VMP1: variants seen among roughly 807,000 people sequenced by gnomAD.
The protein encoded by VMP1 is ectopic P-granules autophagy protein 3 homolog.
Under a neutral mutation model 56.0 loss-of-function variants are expected in VMP1, and 11 were observed. The ratio of observed to expected loss-of-function variants is 0.20; its 90% confidence interval spans 0.12 to 0.32. The LOEUF (loss-of-function observed/expected upper bound fraction) is 0.32. Ranked by LOEUF, VMP1 falls within the 10% of genes least tolerant of loss-of-function variation. The pLI is 1.00. For synonymous variants in VMP1, 149 were observed against 165.0 expected, an observed-to-expected ratio of 0.90 and a Z score of 0.74; for missense variants, 296 against 490.3, an observed-to-expected ratio of 0.60 and a Z score of 3.74.
intron 10 of VMP1, among the ~76,000 whole-genome samples, chr17:59,824,987 C>G (rs558910475): frequency 6.6e-6 from 1 of 151,644 alleles, no homozygotes; most frequent in South Asian, 2.1e-4. Flanking sequence ...TTGAGTCCAG[C>G]CTGGTCTCGA....
chr17:59,736,472 G>A (rs559572962), intron 3 of VMP1, among the ~76,000 whole-genome samples: 80 of 151,028 alleles, frequency 5.3e-4, no homozygotes, highest in African/African-American at 1.9e-3. Context: ...AAAATCACTT[G>A]AACCCAGGAG....
intron 8 of VMP1, among the ~76,000 whole-genome samples, chr17:59,809,826 GC>G (rs1346214208): frequency 1.3e-5 from 2 of 151,926 alleles, no homozygotes; most frequent in African/African-American, 4.8e-5. Context: ...TATTAAATGA[GC>G]TGTTTTCTGT....
intron 10 of VMP1, among the ~76,000 whole-genome samples, chr17:59,825,983 A>G (rs2038634949): frequency 6.6e-6 from 1 of 152,226 alleles, no homozygotes; most frequent in African/African-American, 2.4e-5. Flanking sequence ...TGGTCCATGT[A>G]TTTGATTCTC....
chr17:59,827,355 C>T (rs752217323), intron 10 of VMP1, among the ~76,000 whole-genome samples: 3 of 151,732 alleles, frequency 2.0e-5, no homozygotes, highest in East Asian at 2.0e-4. Context: ...CTTGCTCTGT[C>T]GCCCAGCCTG....
chr17:59,722,716 T>C (rs1412691972), intron 1 of VMP1, among the ~76,000 whole-genome samples: 1 of 152,124 alleles, frequency 6.6e-6, no homozygotes. Context: ...TGGGGGTACA[T>C]GCTTGTAATC....
chr17:59,756,729 T>C (rs2035855231), intron 5 of VMP1, among the ~76,000 whole-genome samples: 1 of 152,242 alleles, frequency 6.6e-6, no homozygotes, highest in East Asian at 1.9e-4. Flanking sequence ...TGTTGTAGTC[T>C]TCATCTCGGT....
At chr17:59,723,449 C>T (rs2034474985) in intron 1 of VMP1, among the ~76,000 whole-genome samples, 1 of 152,144 alleles carries the variant, frequency 6.6e-6, no homozygotes, top group South Asian at 2.1e-4. Context: ...GGAGTGGATA[C>T]TTGTGTTCAG....
At chr17:59,771,597 G>T (rs546249459) in intron 6 of VMP1, among the ~76,000 whole-genome samples, 65 of 143,564 alleles carry the variant, frequency 4.5e-4, no homozygotes, top group East Asian at 3.7e-3. Flanking sequence ...GTGTTTTTTG[G>T]TTTTTTTGGT....
chr17:59,791,277 C>T (rs936456859), intron 7 of VMP1, among the ~76,000 whole-genome samples: 4 of 151,630 alleles, frequency 2.6e-5, no homozygotes, highest in African/African-American at 7.3e-5. Flanking sequence ...CAAGCTCCAC[C>T]TCCCAGGTTC....
At chr17:59,748,072 T>C (rs1050718031) in intron 5 of VMP1, among the ~76,000 whole-genome samples, 6 of 151,846 alleles carry the variant, frequency 4.0e-5, no homozygotes, top group Non-Finnish European at 2.9e-5. Flanking sequence ...GGCGGGCGCC[T>C]GTAGTCCCAG....
intron 7 of VMP1, among the ~76,000 whole-genome samples, chr17:59,780,080 T>TA (rs1262681061): frequency 1.3e-5 from 2 of 152,222 alleles, no homozygotes; most frequent in Admixed American, 1.3e-4. Context: ...TCTTCTCTGA[T>TA]ACCACTTTTT....
At chr17:59,797,221 C>T (rs2037470026) in intron 7 of VMP1, among the ~76,000 whole-genome samples, 1 of 150,546 alleles carries the variant, frequency 6.6e-6, no homozygotes, top group South Asian at 2.1e-4. Flanking sequence ...GCCTGTAGTC[C>T]GAGCTACTGG....
rs1037303224 is a variant in VMP1 at position 59,827,604 on chromosome 17, G to A, written c.974+9831G>A. ...GATTACAGGCATGAGCCGCTGTGCT[G>A]GCCTGATTTTTAAGTTTTAGAACTC... On this transcript the variant is annotated intron_variant, in intron 10 of 11. Coordinates refer to ENST00000262291, the MANE Select transcript of VMP1 (RefSeq NM_030938.5). Among the ~76,000 whole-genome samples the A allele has an allele frequency of 2.0e-5, 3 of 152,012 alleles. No individual in the cohort carries two copies. In the South Asian group the frequency reaches 6.2e-4, roughly 32 times the overall value.
intron 2 of VMP1, among the ~76,000 whole-genome samples, chr17:59,732,229 G>C (rs2034851615): frequency 6.6e-6 from 1 of 152,030 alleles, no homozygotes; most frequent in Admixed American, 6.6e-5. Context: ...ATCTGAAATA[G>C]TAGTTTTCAT....
intron 5 of VMP1, among the ~76,000 whole-genome samples, chr17:59,746,375 T>A (rs2035423982): frequency 6.6e-6 from 1 of 152,208 alleles, no homozygotes; most frequent in African/African-American, 2.4e-5. Context: ...TTTTGCCATG[T>A]TGGCCAGGCT....
intron 10 of VMP1, among the ~76,000 whole-genome samples, chr17:59,824,854 CAG>C (rs1272700339): frequency 8.2e-6 from 1 of 122,094 alleles, no homozygotes; most frequent in Non-Finnish European, 1.6e-5. Context: ...GCCTGGGTGA[CAG>C]AGCAAGACTC....
At chr17:59,766,927 C>T (rs1403268079) in intron 6 of VMP1, among the ~76,000 whole-genome samples, 1 of 152,008 alleles carries the variant, frequency 6.6e-6, no homozygotes, top group African/African-American at 2.4e-5. Flanking sequence ...TTACAGGCAC[C>T]CGCCACCACG....
intron 11 of VMP1, chr17:59,838,619 A>C (rs1400083306): frequency 1.9e-6 from 1 of 521,794 alleles, no homozygotes; most frequent in Non-Finnish European, 3.5e-6. Flanking sequence ...GGGTAGAGCC[A>C]ATGGAAAGTA....
Position 59,757,859 on chromosome 17 carries a change from C to CTTTTTTTT in VMP1, c.415-7094_415-7087dup, listed in dbSNP as rs66605258. ...AAATAAAACAGACCTTTATTTGCCA[C>CTTTTTTTT]TTTTTTTTTTTTTTTTTTTTTTTTT... On this transcript the variant is annotated intron_variant, in intron 5 of 11. Transcript: ENST00000262291. 1.0e-3 allele frequency among the ~76,000 whole-genome samples: 93 copies of CTTTTTTTT among 91,286 alleles called. 4 individuals are homozygous for CTTTTTTTT. The highest frequency in any genetic ancestry group is 3.3e-3 in the African/African-American group (80 of 24,102). 59.9% of individuals were successfully genotyped at this position (91,286 alleles called of 152,430 possible).
Sources: gnomAD v4.1 joint callset for allele counts (sites outside exome capture counted in the v4.1 genomes callset) on GRCh38, gnomAD v4.1.1 for gene constraint, MANE v1.5 for transcripts, NCBI Gene and HGNC (gene_info 2026-07-23, HGNC 2026-07-21) for gene names.